GPX6: variants seen among roughly 807,000 people sequenced by gnomAD.
GPX6 encodes the protein glutathione peroxidase 6 (olfactory).
GPX6 carries 21 observed loss-of-function variants against 20.0 expected under a neutral mutation model. The ratio of observed to expected loss-of-function variants is 1.05; its 90% CI spans 0.74 to 1.51. GPX6 has a LOEUF of 1.51. Among genes scored for constraint, GPX6 ranks in the 40% most tolerant of loss-of-function variants. The pLI, the probability that GPX6 is intolerant of heterozygous loss-of-function variation, is 0.00. For synonymous variants in GPX6, 75 were observed against 98.0 expected (o/e 0.77, Z 1.38); for missense variants, 233 against 254.7 (o/e 0.91, Z 0.58).
At chr6:28,512,867 C>T (rs1335036181) in intron 1 of GPX6, among the ~76,000 whole-genome samples, 4 of 152,044 alleles carry the variant, frequency 2.6e-5, no homozygotes, top group Non-Finnish European at 5.9e-5. Context: ...TTTGCAGCTT[C>T]ACTCTTGAGC....
chr6:28,512,980 C>T (rs1460696589), intron 1 of GPX6, among the ~76,000 whole-genome samples: 1 of 152,090 alleles, frequency 6.6e-6, no homozygotes, highest in Non-Finnish European at 1.5e-5. Context: ...GGACACGCTG[C>T]CTTAAAGAAC....
intron 1 of GPX6, among the ~76,000 whole-genome samples, chr6:28,512,941 A>G (rs940915243): frequency 6.6e-6 from 1 of 152,136 alleles, no homozygotes; most frequent in African/African-American, 2.4e-5. Context: ...AACTCTGAAC[A>G]CATCCGAACA....
chr6:28,511,762 G>A (rs1020107261), intron 1 of GPX6, among the ~76,000 whole-genome samples: 9 of 152,262 alleles, frequency 5.9e-5, no homozygotes, highest in African/African-American at 2.2e-4. Flanking sequence ...CCTTCAGCCC[G>A]CGGCTGCACT....
At position 28,504,263 on chromosome 6, in the gene GPX6, T is replaced by C. The variant is rs767890688; in HGVS notation, c.*29A>G. 1 of 1,582,818 alleles carries C rather than the reference T, an allele frequency of 6.3e-7. No individual in the cohort carries two copies. The highest frequency in any genetic ancestry group is 8.7e-7 in the Non-Finnish European group (1 of 1,152,118). ...ACATTCCTGCAGGTGGGAGACAGGG[T>C]AGTTATTTCTGTCAGTCGCTAGCCC... On this transcript the variant is annotated 3_prime_UTR_variant, in exon 5 of 5. Transcript: ENST00000361902.
In GPX6 at chr6:28,504,552, A is replaced by G. The variant is rs1456564198; in HGVS notation, c.460-54T>C. On this transcript the variant is annotated intron_variant, in intron 4 of 4. Transcript: ENST00000361902. ...ATACATTTATTTCTACTTTATTTCT[A>G]CTTCTGTGTGGTACAGTTTTATCTC... The G allele has an allele frequency of 1.5e-5, 22 of 1,496,328 alleles. No homozygotes were observed. In the Admixed American group the frequency reaches 3.8e-4, roughly 26 times the overall value. 92.7% of individuals were successfully genotyped at this position (1,496,328 alleles called of 1,614,324 possible).
intron 2 of GPX6, among the ~76,000 whole-genome samples, chr6:28,509,404 C>T (rs919360597): frequency 2.7e-5 from 4 of 150,506 alleles, no homozygotes; most frequent in Non-Finnish European, 4.4e-5. Flanking sequence ...TATAGTGGTG[C>T]ATGCCTGTAA....
At chr6:28,508,234 T>G (rs1325412711) in intron 2 of GPX6, among the ~76,000 whole-genome samples, 2 of 152,230 alleles carry the variant, frequency 1.3e-5, no homozygotes, top group African/African-American at 4.8e-5. Flanking sequence ...CGTTTACACA[T>G]CACAACTTTT....
At chr6:28,512,029 G>A (rs1762887842) in intron 1 of GPX6, among the ~76,000 whole-genome samples, 1 of 152,240 alleles carries the variant, frequency 6.6e-6, no homozygotes, top group African/African-American at 2.4e-5. Context: ...ACCCCGCGGG[G>A]CAGGGCTTGG....
chr6:28,507,327 T>C (rs1762816656), intron 2 of GPX6, among the ~76,000 whole-genome samples: 5 of 152,236 alleles, frequency 3.3e-5, no homozygotes, highest in Admixed American at 3.3e-4. Flanking sequence ...CTTCGGTTGC[T>C]ATCGAAACTC....
chr6:28,513,131 C>G (rs1413034103), intron 1 of GPX6, among the ~76,000 whole-genome samples: 3 of 152,182 alleles, frequency 2.0e-5, no homozygotes, highest in Non-Finnish European at 4.4e-5. Flanking sequence ...TTTGGCTCCC[C>G]CATCTGATGA....
rs1343428986 is a variant in GPX6, at chr6:28,510,394, C to T, written c.241+357G>A. On this transcript the variant is annotated intron_variant, in intron 2 of 4. Transcript: ENST00000361902. ...ATTCCTTGAACTCGTCTCCAAATCA[C>T]GTAACAAAAGTTCAGATTCTATAGT... is the stretch of plus-strand genomic sequence containing the variant. 1.4e-4 allele frequency among the ~76,000 whole-genome samples: 21 copies of T among 152,196 alleles called. 2 individuals are homozygous for T. Among genetic ancestry groups the T allele is most frequent in the Admixed American group, 1.3e-3 (20 of 15,284 alleles).
intron 1 of GPX6, 73 bp from the exon 2 acceptor site, chr6:28,510,977 AACACTCGAAG>A (rs1762861344): frequency 7.3e-7 from 1 of 1,364,518 alleles, no homozygotes; most frequent in South Asian, 1.4e-5. Context: ...ACTTTTTCAA[AACACTCGAAG>A]ACCCTTCATG....
At position 28,515,773 on chromosome 6, in the gene GPX6, C is replaced by T. The variant is rs1763016343; in HGVS notation, c.-30G>A. The T allele has an allele frequency of 1.3e-6, 2 of 1,580,184 alleles. No individual in the cohort carries two copies. The highest frequency in any genetic ancestry group is 2.2e-5 in the East Asian group (1 of 44,642). Reference sequence around the variant, plus strand: ...AGGAGTTTTAGACGACTCTGAGGTCCCCAGGATTTCAGCCCCTTTTGAGCC... The same window carrying T: ...AGGAGTTTTAGACGACTCTGAGGTCTCCAGGATTTCAGCCCCTTTTGAGCC... On this transcript the variant is annotated 5_prime_UTR_variant, in exon 1 of 5. Coordinates refer to ENST00000361902, the MANE Select transcript of GPX6 (RefSeq NM_182701.1).
In GPX6 at chr6:28,504,365, C is replaced by A; in HGVS notation, c.593G>T (p.Trp198Leu). The change falls in exon 5 of 5, where the codon TGG becomes TTG. Residue 198 changes from tryptophan (W) to leucine (L), a missense_variant. Transcript: ENST00000361902. ...TGTGCTGACTGGAGCCTGGTGGAAC[C>A]AATGCATGACAGGGACTCCATCGGG... ...VGPDGVPVMH[W>L]FHQAPVSTVK... The A allele has an allele frequency of 1.9e-6, 3 of 1,614,140 alleles. No homozygotes were observed. Among genetic ancestry groups the A allele is most frequent in the Non-Finnish European group, 2.5e-6 (3 of 1,180,034 alleles).
At chr6:28,511,930 C>T (rs1250350815) in intron 1 of GPX6, among the ~76,000 whole-genome samples, 1 of 151,958 alleles carries the variant, frequency 6.6e-6, no homozygotes, top group East Asian at 2.0e-4. Flanking sequence ...GCCCCGCACT[C>T]GGAGCGGCCA....
rs56932220 is a variant in GPX6, at chr6:28,514,063, G to A, written c.87+1594C>T. On this transcript the variant is annotated intron_variant, in intron 1 of 4. Coordinates refer to ENST00000361902, the MANE Select transcript of GPX6 (RefSeq NM_182701.1). ...AGTTATCATCTATATGCCTGCATTC[G>A]TTTTGCCTTCATGACACCTTACGTC... Among the ~76,000 whole-genome samples, 607 of 152,324 alleles carry A rather than the reference G, an allele frequency of 4.0e-3. 4 individuals carry two copies. Among genetic ancestry groups the A allele is most frequent in the African/African-American group, 0.013 (538 of 41,558 alleles).
chr6:28,508,788 CAG>C (rs1762832360), intron 2 of GPX6, among the ~76,000 whole-genome samples: 1 of 152,186 alleles, frequency 6.6e-6, no homozygotes, highest in Non-Finnish European at 1.5e-5. Context: ...GCCTGGGCGA[CAG>C]AGCAAGACCC....
chr6:28,512,647 C>G (rs567428703), intron 1 of GPX6, among the ~76,000 whole-genome samples: 2 of 152,188 alleles, frequency 1.3e-5, no homozygotes, highest in Non-Finnish European at 2.9e-5. Flanking sequence ...CGTGGGTCCC[C>G]TTCCACACTG....
intron 1 of GPX6, among the ~76,000 whole-genome samples, chr6:28,512,911 C>G (rs1400709043): frequency 6.6e-6 from 1 of 152,126 alleles, no homozygotes; most frequent in Non-Finnish European, 1.5e-5. Flanking sequence ...AGCAAGACCA[C>G]AAACCCGCCA....
Sources: allele counts gnomAD v4.1 joint callset (sites outside exome capture counted in the v4.1 genomes callset), GRCh38; gene constraint gnomAD v4.1.1; transcripts MANE v1.5; gene names NCBI Gene and HGNC (gene_info 2026-07-23, HGNC 2026-07-21).